Variants in NREP observed in about 807,000 individuals in gnomAD.
NREP encodes neuronal regeneration-related protein.
A neutral mutation model predicts 8.6 loss-of-function variants in NREP; 5 were observed. The observed-to-expected ratio is 0.58, with a 90% CI of 0.30 to 1.22. The LOEUF (loss-of-function observed/expected upper bound fraction) is 1.22. NREP is among the 50% of genes most tolerant of loss of function. The pLI is 0.07. For synonymous variants in NREP, 27 were observed against 28.0 expected, an observed-to-expected ratio of 0.96 and a Z score of 0.11; for missense variants, 86 against 82.5, an observed-to-expected ratio of 1.04 and a Z score of -0.17.
intron 2 of NREP, among the ~76,000 whole-genome samples, chr5:111,899,568 C>G (rs1272026613): frequency 1.3e-5 from 2 of 151,956 alleles, no homozygotes; most frequent in Non-Finnish European, 2.9e-5. Flanking sequence ...AAACAATTAA[C>G]AACATAACAT....
At chr5:111,782,753 T>G (rs1751522204) in intron 2 of NREP, among the ~76,000 whole-genome samples, 1 of 152,050 alleles carries the variant, frequency 6.6e-6, no homozygotes, top group South Asian at 2.1e-4. Context: ...TTTCTTTTTT[T>G]TTTGACAGTC....
Position 111,885,581 on chromosome 5 carries a change from G to C in NREP, c.135+89693C>G, listed in dbSNP as rs570449584. The stretch of plus-strand genomic sequence containing the variant: ...ACCTGACTTCAAACTATACTACAAG[G>C]CTACAGTAACCAAAACAGCATGGTA... On this transcript the variant is annotated intron_variant, in intron 2 of 3. Coordinates refer to the NREP transcript ENST00000395634. Among the ~76,000 whole-genome samples, 185 of 152,148 alleles carry C rather than the reference G, an allele frequency of 1.2e-3. 1 individual carries two copies. Among genetic ancestry groups the C allele is most frequent in the Non-Finnish European group, 4.7e-4 (32 of 67,970 alleles).
intron 1 of NREP, among the ~76,000 whole-genome samples, chr5:111,976,316 G>A (rs1756962456): frequency 6.6e-6 from 1 of 152,146 alleles, no homozygotes; most frequent in South Asian, 2.1e-4. Context: ...AGGTTCTACA[G>A]CCAACATTCC....
At chr5:111,863,522 A>T (rs1022753201) in intron 2 of NREP, among the ~76,000 whole-genome samples, 5 of 152,146 alleles carry the variant, frequency 3.3e-5, no homozygotes, top group African/African-American at 1.2e-4. Context: ...GATAACATAA[A>T]TAAGAGAAAA....
intron 2 of NREP, among the ~76,000 whole-genome samples, chr5:111,794,912 C>T (rs184804102): frequency 4.0e-5 from 6 of 150,454 alleles, no homozygotes; most frequent in South Asian, 2.1e-4. Context: ...TCACAGAGGC[C>T]GTTTTGCATA....
chr5:111,925,934 G>C (rs1286530484), intron 2 of NREP, among the ~76,000 whole-genome samples: 1 of 152,058 alleles, frequency 6.6e-6, no homozygotes, highest in African/African-American at 2.4e-5. Flanking sequence ...TTTTTGGTCT[G>C]CTATAAGAAA....
At chr5:111,787,713 C>T (rs930361533) in intron 2 of NREP, among the ~76,000 whole-genome samples, 6 of 152,100 alleles carry the variant, frequency 3.9e-5, no homozygotes, top group African/African-American at 1.4e-4. Flanking sequence ...TGAGGATGTT[C>T]TTCAAATATA....
intron 2 of NREP, among the ~76,000 whole-genome samples, chr5:111,959,849 C>T (rs1452011261): frequency 1.3e-5 from 2 of 151,682 alleles, no homozygotes; most frequent in African/African-American, 2.4e-5. Flanking sequence ...TATATTGTGG[C>T]TCATGAAGAA....
chr5:111,861,746 T>C (rs1052231359), intron 2 of NREP, among the ~76,000 whole-genome samples: 2 of 152,276 alleles, frequency 1.3e-5, no homozygotes, highest in African/African-American at 4.8e-5. Context: ...AGCTTGGATA[T>C]AGTAGGTATG....
At chr5:111,878,334 A>C (rs918513076) in intron 2 of NREP, among the ~76,000 whole-genome samples, 2 of 152,218 alleles carry the variant, frequency 1.3e-5, no homozygotes, top group Non-Finnish European at 2.9e-5. Flanking sequence ...GAAACTTGTA[A>C]TCATGGCTGA....
At chr5:111,802,755 A>G (rs891063480) in intron 2 of NREP, among the ~76,000 whole-genome samples, 9 of 152,214 alleles carry the variant, frequency 5.9e-5, no homozygotes, top group Non-Finnish European at 8.8e-5. Flanking sequence ...TTACAGTTCA[A>G]CTTTACAAAA....
intron 2 of NREP, among the ~76,000 whole-genome samples, chr5:111,950,640 C>T (rs112533114): frequency 5.9e-5 from 9 of 151,728 alleles, no homozygotes; most frequent in African/African-American, 1.7e-4. Flanking sequence ...GTTTTGTAAG[C>T]TGCTCATCTG....
chr5:111,838,800 A>G (rs750518303), intron 2 of NREP, among the ~76,000 whole-genome samples: 4 of 152,042 alleles, frequency 2.6e-5, no homozygotes, highest in Non-Finnish European at 5.9e-5. Context: ...TGAATTCATA[A>G]TGATACGTAT....
upstream of NREP, among the ~76,000 whole-genome samples, chr5:111,760,045 A>G (rs2112862035): frequency 6.6e-6 from 1 of 152,352 alleles, no homozygotes; most frequent in South Asian, 2.1e-4. Context: ...ATTACCAGTC[A>G]GGAAGCAAAG....
At chr5:111,774,314 T>C (rs780762636) in intron 2 of NREP, among the ~76,000 whole-genome samples, 4 of 151,790 alleles carry the variant, frequency 2.6e-5, no homozygotes, top group Non-Finnish European at 5.9e-5. Context: ...ACATATGATA[T>C]TATGGTAGGC....
At chr5:111,933,118 C>T (rs1211437089) in intron 2 of NREP, among the ~76,000 whole-genome samples, 1 of 152,076 alleles carries the variant, frequency 6.6e-6, no homozygotes, top group Non-Finnish European at 1.5e-5. Context: ...CCACGTTAAA[C>T]CACCCTTTAA....
At chr5:111,889,682 G>C (rs1354725540) in intron 2 of NREP, among the ~76,000 whole-genome samples, 1 of 152,148 alleles carries the variant, frequency 6.6e-6, no homozygotes, top group African/African-American at 2.4e-5. Flanking sequence ...ATATAATGGG[G>C]GTACTGTCAC....
chr5:111,741,824 T>TACACACAGACACACACACAC (rs138411321), intron 2 of NREP, among the ~76,000 whole-genome samples: 17 of 73,488 alleles, frequency 2.3e-4, no homozygotes, highest in East Asian at 6.2e-4. Flanking sequence ...AACACACACA[T>TACACACAGACACACACACAC]ACACACACAC....
At chr5:111,922,558 G>A (rs1050818217) in intron 2 of NREP, among the ~76,000 whole-genome samples, 5 of 152,124 alleles carry the variant, frequency 3.3e-5, no homozygotes, top group African/African-American at 1.2e-4. Flanking sequence ...CTCTGAGCTC[G>A]ATGGAGAAGA....
Sources: allele counts gnomAD v4.1 joint callset (sites outside exome capture counted in the v4.1 genomes callset), GRCh38; gene constraint gnomAD v4.1.1; transcripts MANE v1.5; gene names NCBI Gene and HGNC (gene_info 2026-07-23, HGNC 2026-07-21).